RIMS1: variants seen among roughly 807,000 people sequenced by gnomAD.
RIMS1 encodes the protein regulating synaptic membrane exocytosis protein 1.
In RIMS1, 83 loss-of-function variants were observed where a neutral mutation model predicts 214.1. That is an observed-to-expected ratio of 0.39 (90% confidence interval 0.32 to 0.47). The LOEUF is 0.47. Among genes scored for constraint, RIMS1 ranks in the 20% least tolerant of loss-of-function variants. RIMS1 has a pLI of 0.99. For missense variants in RIMS1, 2,050 were observed against 2,161.8 expected, an observed-to-expected ratio of 0.95 and a Z score of 1.03; for synonymous variants, 793 against 786.8, an observed-to-expected ratio of 1.01 and a Z score of -0.13.
intron 4 of RIMS1, among the ~76,000 whole-genome samples, chr6:72,113,933 G>T (rs1295196662): frequency 6.6e-6 from 1 of 152,028 alleles, no homozygotes; most frequent in African/African-American, 2.4e-5. Context: ...TACATAAAAA[G>T]ACACCAATAA....
intron 2 of RIMS1, among the ~76,000 whole-genome samples, chr6:72,068,755 C>CA (rs1207752722): frequency 6.6e-5 from 10 of 151,726 alleles, no homozygotes; most frequent in African/African-American, 2.4e-4. Context: ...CCTAAAAATA[C>CA]AAAAAATTAG....
intron 29 of RIMS1, among the ~76,000 whole-genome samples, chr6:72,340,136 GT>G (rs1427559768): frequency 2.6e-5 from 4 of 151,796 alleles, no homozygotes; most frequent in African/African-American, 9.7e-5. Flanking sequence ...GGGGTTGTTT[GT>G]TTTTTTCTTG....
intron 1 of RIMS1, among the ~76,000 whole-genome samples, chr6:71,892,328 G>A (rs1245468832): frequency 6.6e-6 from 1 of 152,204 alleles, no homozygotes; most frequent in African/African-American, 2.4e-5. Flanking sequence ...ATTCTAGCCT[G>A]TGAGTATTTA....
intron 2 of RIMS1, among the ~76,000 whole-genome samples, chr6:72,047,416 A>G (rs1191495182): frequency 6.6e-6 from 1 of 152,182 alleles, no homozygotes; most frequent in African/African-American, 2.4e-5. Flanking sequence ...AGAAATGATG[A>G]TCACATTAGA....
intron 1 of RIMS1, among the ~76,000 whole-genome samples, chr6:71,904,847 G>T (rs1582224643): frequency 6.6e-6 from 1 of 152,112 alleles, no homozygotes; most frequent in East Asian, 1.9e-4. Context: ...TAGAACACTT[G>T]CAAATGCCTG....
intron 29 of RIMS1, among the ~76,000 whole-genome samples, chr6:72,355,599 C>G (rs2097598561): frequency 6.6e-6 from 1 of 152,110 alleles, no homozygotes; most frequent in Non-Finnish European, 1.5e-5. Context: ...ATTTTTTACA[C>G]TGAAAAATTG....
At chr6:71,902,768 A>C (rs1210445019) in intron 1 of RIMS1, among the ~76,000 whole-genome samples, 1 of 152,026 alleles carries the variant, frequency 6.6e-6, no homozygotes, top group Non-Finnish European at 1.5e-5. Context: ...ATAAGTGAAA[A>C]CATGTGATAT....
Position 71,973,928 on chromosome 6 carries a change from T to C in RIMS1, c.245+4865T>C, listed in dbSNP as rs868266895. ...GCAGGTTTTCCTCATGGAGTTCTAA[T>C]TGGTCAGTGTAGATAGAGCAAGGGG... On this transcript the variant is annotated intron_variant, in intron 2 of 33. Transcript: ENST00000521978. Among the ~76,000 whole-genome samples the C allele has an allele frequency of 2.0e-5, 3 of 152,126 alleles. No homozygotes were observed. The South Asian group carries it at 6.2e-4, about 32-fold the overall frequency.
rs747486523 is a variant in RIMS1 at position 72,121,470 on chromosome 6, T to C, written c.471+21484T>C. ...TCTCTGTTTGTCTGTTGTTGGTGTA[T>C]AGGAATGCTTGTGATTTTTGTACAT... On this transcript the variant is annotated intron_variant, in intron 4 of 33. Coordinates refer to ENST00000521978, the MANE Select transcript of RIMS1 (RefSeq NM_014989.7). 1.3e-5 allele frequency among the ~76,000 whole-genome samples: 2 copies of C among 152,044 alleles called. 1 individual carries two copies. Among genetic ancestry groups the C allele is most frequent in the Non-Finnish European group, 2.9e-5 (2 of 67,876 alleles).
chr6:72,015,503 C>G (rs1812399446), intron 2 of RIMS1, among the ~76,000 whole-genome samples: 1 of 152,108 alleles, frequency 6.6e-6, no homozygotes, highest in Non-Finnish European at 1.5e-5. Context: ...TGCTTTCCAT[C>G]TTTTCTGGAT....
At chr6:71,992,616 T>C (rs553781701) in intron 2 of RIMS1, among the ~76,000 whole-genome samples, 17 of 148,680 alleles carry the variant, frequency 1.1e-4, no homozygotes, top group African/African-American at 4.0e-4. Context: ...TTCTCCTTCT[T>C]CTTCTTCTTC....
chr6:72,292,109 C>A, intron 26 of RIMS1, 63 bp downstream of exon 26: 15 of 970,256 alleles, frequency 1.5e-5, no homozygotes, highest in Non-Finnish European at 2.3e-5. Context: ...TCTATTTATA[C>A]CCCTTTTATT....
chr6:71,994,112 T>C (rs1802689002), intron 2 of RIMS1, among the ~76,000 whole-genome samples: 1 of 152,200 alleles, frequency 6.6e-6, no homozygotes, highest in Non-Finnish European at 1.5e-5. Context: ...AGACAGCTCG[T>C]GGGAGATGGT....
chr6:72,182,225 T>A, intron 5 of RIMS1, 59 bp from the exon 6 acceptor site: 1 of 1,474,358 alleles, frequency 6.8e-7, no homozygotes, highest in Non-Finnish European at 9.1e-7. Context: ...GAAGAAAACA[T>A]GTTTTTTATG....
intron 1 of RIMS1, among the ~76,000 whole-genome samples, chr6:71,901,461 C>A (rs1452198284): frequency 6.6e-6 from 1 of 152,010 alleles, no homozygotes; most frequent in African/African-American, 2.4e-5. Context: ...GATACATAAA[C>A]AACATGGATG....
At chr6:72,148,616 G>C (rs1473637200) in intron 4 of RIMS1, 1 of 456,816 alleles carries the variant, frequency 2.2e-6, no homozygotes, top group African/African-American at 2.0e-5. Flanking sequence ...CTCCTTCCAT[G>C]AAGTGGGGAG....
intron 1 of RIMS1, among the ~76,000 whole-genome samples, chr6:71,943,521 GA>G (rs1786842131): frequency 2.0e-5 from 3 of 152,054 alleles, no homozygotes; most frequent in Admixed American, 2.0e-4. Context: ...TTAATTTGTT[GA>G]ATTTTTACCT....
At chr6:72,092,066 T>C (rs913715301) in intron 2 of RIMS1, among the ~76,000 whole-genome samples, 2 of 152,220 alleles carry the variant, frequency 1.3e-5, no homozygotes, top group African/African-American at 4.8e-5. Context: ...TACCAGTATC[T>C]TGCTTCCAAA....
At chr6:72,169,009 T>A (rs2046665451) in intron 4 of RIMS1, among the ~76,000 whole-genome samples, 1 of 152,138 alleles carries the variant, frequency 6.6e-6, no homozygotes, top group African/African-American at 2.4e-5. Context: ...TTGAGAAGCA[T>A]GATCATTTCT....
Sources: gnomAD v4.1 joint callset for allele counts (sites outside exome capture counted in the v4.1 genomes callset) on GRCh38, gnomAD v4.1.1 for gene constraint, MANE v1.5 for transcripts, NCBI Gene and HGNC (gene_info 2026-07-23, HGNC 2026-07-21) for gene names.